OLFM3: variants seen among roughly 807,000 people sequenced by gnomAD.
OLFM3 encodes noelin-3.
Under a neutral mutation model 48.6 loss-of-function variants are expected in OLFM3, and 20 were observed. The ratio of observed to expected loss-of-function variants is 0.41; its 90% confidence interval spans 0.29 to 0.60. The LOEUF is 0.60. Ranked by LOEUF, OLFM3 falls within the 20% of genes least tolerant of loss-of-function variation. The pLI is 0.28. For synonymous variants in OLFM3, 222 were observed against 198.1 expected (o/e 1.12, Z -1.01); for missense variants, 437 against 544.3 (o/e 0.80, Z 1.96).
rs148361216 is a variant in OLFM3, at chr1:101,888,952, A to T, written c.70-51927T>A. On this transcript the variant is annotated intron_variant, in intron 1 of 5. Transcript: ENST00000370103. Reference sequence around the variant, plus strand: ...AAATGCAAATCAAAACCACAATGAGATATCATCTCACACCAGTTAGAATGG... The same window carrying T: ...AAATGCAAATCAAAACCACAATGAGTTATCATCTCACACCAGTTAGAATGG... Among the ~76,000 whole-genome samples, 1,466 of 152,246 alleles carry T rather than the reference A, an allele frequency of 9.6e-3. 33 individuals are homozygous for T. The highest frequency in any genetic ancestry group is 0.034 in the African/African-American group (1,400 of 41,564).
chr1:101,811,808 C>T lies in OLFM3; in HGVS notation c.593-5626G>A, dbSNP rs557326122. Among the ~76,000 whole-genome samples, 731 of 152,186 alleles carry T rather than the reference C, an allele frequency of 4.8e-3. 7 individuals are homozygous for T. Among genetic ancestry groups the T allele is most frequent in the Middle Eastern group, 0.027 (8 of 294 alleles). ...CCTCAGGGATCTAGAACTAGAAATA[C>T]CATTTGACCCAGCCATCCCATTACT... On this transcript the variant is annotated intron_variant, in intron 4 of 5. Transcript: ENST00000370103.
chr1:101,894,339 T>C (rs1658114775), intron 1 of OLFM3, among the ~76,000 whole-genome samples: 1 of 152,150 alleles, frequency 6.6e-6, no homozygotes, highest in Admixed American at 6.5e-5. Flanking sequence ...AGTGCTCTAT[T>C]AGTGAGATAT....
intron 1 of OLFM3, among the ~76,000 whole-genome samples, chr1:101,886,254 CATACATGGTATGGAAAAAAAAAATA>C: frequency 6.8e-6 from 1 of 147,900 alleles, no homozygotes. Context: ...GAGGAGAAAA[CATACATGGTATGGAAAAAAAAAATA>C]ATAGAAAAGT....
chr1:101,915,737 T>A (rs1658904680), intron 1 of OLFM3, among the ~76,000 whole-genome samples: 1 of 152,210 alleles, frequency 6.6e-6, no homozygotes, highest in Non-Finnish European at 1.5e-5. Context: ...AACCTTGGCA[T>A]CCTTTCAGAA....
intron 1 of OLFM3, among the ~76,000 whole-genome samples, chr1:101,863,219 C>G (rs1314598525): frequency 6.6e-6 from 1 of 152,198 alleles, no homozygotes; most frequent in Non-Finnish European, 1.5e-5. Context: ...TTGGATCCGC[C>G]TGCCTTCCCC....
rs1288782180 is a variant in OLFM3, at chr1:101,949,063, TTA to T, written c.69+47683_69+47684del. 2.0e-5 allele frequency among the ~76,000 whole-genome samples: 3 copies of T among 151,780 alleles called. No individual in the cohort carries two copies. In the East Asian group the frequency reaches 5.8e-4, roughly 29 times the overall value. On this transcript the variant is annotated intron_variant, in intron 1 of 5. Coordinates refer to ENST00000370103, the MANE Select transcript of OLFM3 (RefSeq NM_058170.4). ...TTCTTCCTATGTATTTGGAATGAAA[TTA>T]TATATCTTATATTTTGCCTGTTTTT... is the stretch of plus-strand genomic sequence containing the variant.
At chr1:101,921,515 T>A (rs796977342) in intron 1 of OLFM3, among the ~76,000 whole-genome samples, 30 of 152,286 alleles carry the variant, frequency 2.0e-4, no homozygotes, top group African/African-American at 7.0e-4. Flanking sequence ...GGAGGAGTGG[T>A]GCTAGAATCC....
chr1:101,984,154 G>A (rs1252525324), intron 1 of OLFM3, among the ~76,000 whole-genome samples: 2 of 150,566 alleles, frequency 1.3e-5, no homozygotes, highest in Non-Finnish European at 2.9e-5. Context: ...GCCCAGAATC[G>A]TCTGAGCCTG....
intron 1 of OLFM3, among the ~76,000 whole-genome samples, chr1:101,961,691 G>A (rs1015423881): frequency 7.9e-5 from 12 of 152,062 alleles, no homozygotes; most frequent in Admixed American, 7.2e-4. Flanking sequence ...CTATGCATTA[G>A]AAATAAGCAA....
chr1:101,820,776 T>C (rs1443062490), intron 4 of OLFM3, among the ~76,000 whole-genome samples: 1 of 152,120 alleles, frequency 6.6e-6, no homozygotes, highest in Admixed American at 6.6e-5. Flanking sequence ...ATGTGATGTA[T>C]GCTGTGACAT....
At chr1:101,943,227 G>T (rs1287508584) in intron 1 of OLFM3, among the ~76,000 whole-genome samples, 1 of 152,178 alleles carries the variant, frequency 6.6e-6, no homozygotes, top group Non-Finnish European at 1.5e-5. Flanking sequence ...GAATCAATTG[G>T]CTGATGAACC....
intron 4 of OLFM3, among the ~76,000 whole-genome samples, chr1:101,820,444 T>G (rs868686686): frequency 1.1e-4 from 16 of 152,234 alleles, no homozygotes; most frequent in African/African-American, 3.6e-4. Context: ...ATCCATACAA[T>G]TACATTCTGC....
Position 101,825,100 on chromosome 1 carries a change from GCAC to G in OLFM3, c.515_517del (p.Gly172del). On this transcript the variant is annotated inframe_deletion, in exon 4 of 6. Transcript: ENST00000370103. ...TTGGTGTAGTTCCTCGTAGTCATAG[GCAC>G]CAATTTCCTCCTGAATACCAGTGAG... 6.2e-7 allele frequency: 1 copy of G among 1,613,964 alleles called. No homozygotes were observed. Among genetic ancestry groups the G allele is most frequent in the Non-Finnish European group, 8.5e-7 (1 of 1,179,936 alleles).
At chr1:101,982,559 T>C (rs1339566876) in intron 1 of OLFM3, among the ~76,000 whole-genome samples, 1 of 152,214 alleles carries the variant, frequency 6.6e-6, no homozygotes, top group Non-Finnish European at 1.5e-5. Flanking sequence ...GTGAAGTTGC[T>C]TCCAAAGGAG....
intron 1 of OLFM3, among the ~76,000 whole-genome samples, chr1:101,954,118 A>G (rs1157086815): frequency 6.6e-6 from 1 of 152,156 alleles, no homozygotes; most frequent in Non-Finnish European, 1.5e-5. Context: ...TCTAACATAA[A>G]TTTAAAATGA....
chr1:101,931,927 T>C (rs1306781335), intron 1 of OLFM3, among the ~76,000 whole-genome samples: 1 of 152,196 alleles, frequency 6.6e-6, no homozygotes, highest in Non-Finnish European at 1.5e-5. Flanking sequence ...GACACACTCA[T>C]CTTGTTCTCA....
At chr1:101,960,500 G>C (rs1660434799) in intron 1 of OLFM3, among the ~76,000 whole-genome samples, 1 of 152,112 alleles carries the variant, frequency 6.6e-6, no homozygotes, top group South Asian at 2.1e-4. Context: ...CAACATTTCT[G>C]TTCTACTAGC....
chr1:101,808,469 T>C (rs917756787), intron 4 of OLFM3, among the ~76,000 whole-genome samples: 1 of 151,688 alleles, frequency 6.6e-6, no homozygotes, highest in Non-Finnish European at 1.5e-5. Context: ...GTCAGAAACA[T>C]AAGTAGAAAG....
At chr1:101,862,699 T>A (rs1300966378) in intron 1 of OLFM3, among the ~76,000 whole-genome samples, 1 of 152,198 alleles carries the variant, frequency 6.6e-6, no homozygotes, top group Non-Finnish European at 1.5e-5. Context: ...GAAATGTGAT[T>A]CAATAAACAG....
Sources: allele counts gnomAD v4.1 joint callset (sites outside exome capture counted in the v4.1 genomes callset), GRCh38; gene constraint gnomAD v4.1.1; transcripts MANE v1.5; gene names NCBI Gene and HGNC (gene_info 2026-07-23, HGNC 2026-07-21).